Variants in FBLN5 observed in about 807,000 individuals in gnomAD.
FBLN5 encodes the protein fibulin-5.
A neutral mutation model predicts 61.6 loss-of-function variants in FBLN5; 24 were observed. The observed-to-expected ratio is 0.39, with a 90% confidence interval of 0.28 to 0.55. The LOEUF is 0.55. FBLN5 is among the 20% of genes least tolerant of loss of function. The pLI is 0.65. For synonymous variants in FBLN5, 213 were observed against 219.8 expected (o/e 0.97, Z 0.27); for missense variants, 470 against 594.1 (o/e 0.79, Z 2.17).
intron 9 of FBLN5, chr14:91,877,986 C>T (rs774659124): frequency 8.0e-6 from 4 of 499,134 alleles, no homozygotes; most frequent in African/African-American, 1.9e-5. Flanking sequence ...ACATTTGCCA[C>T]GTAGGCCAAA....
intron 6 of FBLN5, among the ~76,000 whole-genome samples, chr14:91,889,002 C>G (rs1889861612): frequency 6.6e-6 from 1 of 152,196 alleles, no homozygotes; most frequent in African/African-American, 2.4e-5. Context: ...GGTGAGCAGA[C>G]TGAGAGGCTT....
intron 10 of FBLN5, among the ~76,000 whole-genome samples, chr14:91,876,632 T>G (rs1015454664): frequency 1.3e-5 from 2 of 151,980 alleles, no homozygotes; most frequent in African/African-American, 4.8e-5. Context: ...GAGGCAGATA[T>G]TGGAGTGATG....
chr14:91,931,639 GGCT>G, intron 4 of FBLN5, among the ~76,000 whole-genome samples: 1 of 152,304 alleles, frequency 6.6e-6, no homozygotes, highest in Non-Finnish European at 1.5e-5. Flanking sequence ...TCTAGTAAAA[GGCT>G]GCTTTCTCAG....
At chr14:91,880,297 C>G (rs1412676612) in intron 9 of FBLN5, among the ~76,000 whole-genome samples, 1 of 152,196 alleles carries the variant, frequency 6.6e-6, no homozygotes, top group Non-Finnish European at 1.5e-5. Flanking sequence ...GGGCCCCACC[C>G]CAAACCCACT....
intron 4 of FBLN5, among the ~76,000 whole-genome samples, chr14:91,934,646 A>C (rs1267977947): frequency 1.3e-5 from 2 of 152,120 alleles, no homozygotes; most frequent in Non-Finnish European, 2.9e-5. Flanking sequence ...TGACTTACCC[A>C]CTGCTCATGC....
intron 10 of FBLN5, among the ~76,000 whole-genome samples, chr14:91,872,879 A>G (rs1032370232): frequency 6.6e-6 from 1 of 152,202 alleles, no homozygotes; most frequent in Admixed American, 6.5e-5. Flanking sequence ...AAAGACCAAG[A>G]GTTGAGAACC....
rs557598559 is a variant in FBLN5, at chr14:91,895,163, A to G, written c.380-91T>C. The G allele has an allele frequency of 1.4e-5, 21 of 1,532,810 alleles. No homozygotes were observed. In the East Asian group the frequency reaches 2.5e-4, roughly 18 times the overall value. 95.0% of individuals were successfully genotyped at this position (1,532,810 alleles called of 1,614,324 possible). ...GTGCCAGTGGCTCATCTTGGCTGGG[A>G]GGCAGTTAATAAGGTCACTAGGTTA... On this transcript the variant is annotated intron_variant, in intron 4 of 10. Coordinates refer to ENST00000342058, the MANE Select transcript of FBLN5 (RefSeq NM_006329.4).
At chr14:91,938,600 T>C (rs2056057756) in intron 3 of FBLN5, 1 of 152,350 alleles carries the variant, frequency 6.6e-6, no homozygotes, top group African/African-American at 2.4e-5. Flanking sequence ...GGGCTCTGCT[T>C]GTTATGTCTG....
intron 1 of FBLN5, chr14:91,946,996 C>T: frequency 6.7e-7 from 1 of 1,486,876 alleles, no homozygotes; most frequent in Non-Finnish European, 8.9e-7. Context: ...GCTTTTGAAA[C>T]TGTATTAGAA....
intron 10 of FBLN5, among the ~76,000 whole-genome samples, chr14:91,872,338 G>A (rs779764903): frequency 7.2e-5 from 11 of 152,232 alleles, no homozygotes; most frequent in African/African-American, 2.4e-4. Flanking sequence ...AGATGCTCGC[G>A]GTCAGTGCAA....
intron 9 of FBLN5, among the ~76,000 whole-genome samples, chr14:91,878,748 CAG>C (rs1346416665): frequency 4.6e-5 from 7 of 152,320 alleles, no homozygotes; most frequent in African/African-American, 7.2e-5. Flanking sequence ...TGTCATTTTT[CAG>C]AGAGGCCTTT....
intron 4 of FBLN5, among the ~76,000 whole-genome samples, chr14:91,912,837 G>C (rs973718831): frequency 6.7e-6 from 1 of 149,518 alleles, no homozygotes. Context: ...GCAGTTCTTA[G>C]GGGCTCAGGA....
At chr14:91,919,193 T>C (rs1290255314) in intron 4 of FBLN5, among the ~76,000 whole-genome samples, 2 of 151,756 alleles carry the variant, frequency 1.3e-5, no homozygotes, top group African/African-American at 4.8e-5. Context: ...TAGCTGGGCA[T>C]GGTGGCATGC....
At chr14:91,895,303 G>A (rs1213556014) in intron 4 of FBLN5, among the ~76,000 whole-genome samples, 1 of 152,138 alleles carries the variant, frequency 6.6e-6, no homozygotes, top group Admixed American at 6.5e-5. Context: ...GGCCAAGAAG[G>A]GAACCCTTAT....
intron 4 of FBLN5, among the ~76,000 whole-genome samples, chr14:91,908,143 T>G (rs2160080): frequency 0.16 from 23,687 of 152,206 alleles, 2,019 homozygotes; most frequent in Admixed American, 0.23. Flanking sequence ...ACTGACGCAA[T>G]GTACTTCACA....
intron 4 of FBLN5, among the ~76,000 whole-genome samples, chr14:91,895,306 AC>A (rs913730246): frequency 1.3e-5 from 2 of 152,116 alleles, no homozygotes; most frequent in African/African-American, 4.8e-5. Context: ...CAAGAAGGGA[AC>A]CCTTATCCTC....
intron 5 of FBLN5, among the ~76,000 whole-genome samples, chr14:91,893,889 C>A (rs1890097727): frequency 1.3e-5 from 2 of 152,196 alleles, no homozygotes. Context: ...TTGAAAGGAA[C>A]TGATGTAAGA....
Position 91,947,294 on chromosome 14 carries a change from G to C in FBLN5, c.-65C>G, listed in dbSNP as rs1166970622. ...AAGCTCGCGGGCGGGACCCCCGGAG[G>C]AGCTCGGGCACGTCGGCCTCCTCTG... On this transcript the variant is annotated 5_prime_UTR_variant, in exon 1 of 11. Coordinates refer to ENST00000342058, the MANE Select transcript of FBLN5 (RefSeq NM_006329.4). The surrounding 1 kb of genome is among the most constrained non-coding windows in gnomAD (Gnocchi z 4.3). 7 of 1,606,812 alleles carry C rather than the reference G, an allele frequency of 4.4e-6. No individual in the cohort carries two copies. The highest frequency in any genetic ancestry group is 1.3e-5 in the African/African-American group (1 of 74,772).
At chr14:91,909,075 G>T (rs1015560159) in intron 4 of FBLN5, among the ~76,000 whole-genome samples, 1 of 151,912 alleles carries the variant, frequency 6.6e-6, no homozygotes, top group African/African-American at 2.4e-5. Flanking sequence ...CCACCACCAC[G>T]CCCGGCTAAT....
Sources: allele counts gnomAD v4.1 joint callset (sites outside exome capture counted in the v4.1 genomes callset), GRCh38; gene constraint gnomAD v4.1.1; non-coding constraint Gnocchi (gnomAD v3.1); transcripts MANE v1.5; gene names NCBI Gene and HGNC (gene_info 2026-07-23, HGNC 2026-07-21).